CNBD1: variants seen among roughly 807,000 people sequenced by gnomAD.
CNBD1 encodes cyclic nucleotide-binding domain-containing protein 1.
CNBD1 carries 71 observed loss-of-function variants against 54.4 expected under a neutral mutation model. The ratio of observed to expected loss-of-function variants is 1.30; its 90% confidence interval spans 1.08 to 1.59. The LOEUF is 1.59. CNBD1 is among the 40% of genes most tolerant of loss of function. The probability of loss-of-function intolerance (pLI) is 0.00; values close to 1 mark genes in which losing one functional copy is unlikely to be tolerated. For synonymous variants in CNBD1, 182 were observed against 170.7 expected, an observed-to-expected ratio of 1.07 and a Z score of -0.51; for missense variants, 659 against 518.0, an observed-to-expected ratio of 1.27 and a Z score of -2.64.
chr8:87,238,553 C>T (rs1341493425), intron 6 of CNBD1, among the ~76,000 whole-genome samples: 2 of 152,014 alleles, frequency 1.3e-5, no homozygotes, highest in African/African-American at 4.8e-5. Context: ...AGGGCCCTAG[C>T]CTTAGCATAA....
chr8:87,256,362 A>G (rs1808026484), intron 6 of CNBD1, among the ~76,000 whole-genome samples: 1 of 151,774 alleles, frequency 6.6e-6, no homozygotes. Context: ...TACTCATATC[A>G]AGGGGAAAAA....
intron 6 of CNBD1, among the ~76,000 whole-genome samples, chr8:87,283,658 C>T (rs1201899535): frequency 6.6e-6 from 1 of 152,094 alleles, no homozygotes; most frequent in Non-Finnish European, 1.5e-5. Context: ...TAGCCAGCTT[C>T]TATGTGGCTT....
chr8:87,214,479 C>T (rs1172348855), intron 5 of CNBD1, among the ~76,000 whole-genome samples: 1 of 152,154 alleles, frequency 6.6e-6, no homozygotes, highest in Non-Finnish European at 1.5e-5. Context: ...ATTTTCCTGT[C>T]TTCTTCTGAG....
At chr8:86,991,410 CTT>C (rs544697164) in intron 4 of CNBD1, among the ~76,000 whole-genome samples, 1 of 151,708 alleles carries the variant, frequency 6.6e-6, no homozygotes, top group Non-Finnish European at 1.5e-5. Flanking sequence ...CTCTCTCTCT[CTT>C]TTGTTAATCT....
chr8:86,873,861 T>G (rs1479563128), intron 1 of CNBD1, among the ~76,000 whole-genome samples: 1 of 152,208 alleles, frequency 6.6e-6, no homozygotes, highest in Non-Finnish European at 1.5e-5. Flanking sequence ...AAGGAACTTA[T>G]TTTTCTAGAG....
chr8:87,021,377 T>G (rs896915152), intron 4 of CNBD1, among the ~76,000 whole-genome samples: 3 of 152,370 alleles, frequency 2.0e-5, no homozygotes, highest in Admixed American at 2.0e-4. Context: ...TCCTATTATA[T>G]TTCAGTGCAT....
At chr8:87,049,267 G>C (rs1810263487) in intron 4 of CNBD1, among the ~76,000 whole-genome samples, 1 of 152,168 alleles carries the variant, frequency 6.6e-6, no homozygotes, top group Admixed American at 6.5e-5. Flanking sequence ...GGAAAATTGA[G>C]GATGAAGTCT....
At chr8:87,314,791 A>C (rs1286796250) in intron 8 of CNBD1, among the ~76,000 whole-genome samples, 3 of 152,150 alleles carry the variant, frequency 2.0e-5, no homozygotes, top group East Asian at 3.9e-4. Context: ...AGCACCCCAA[A>C]TACTAAATAT....
At chr8:87,361,508 A>T (rs1302043722) in intron 10 of CNBD1, among the ~76,000 whole-genome samples, 2 of 151,888 alleles carry the variant, frequency 1.3e-5, no homozygotes, top group Non-Finnish European at 2.9e-5. Flanking sequence ...ACTATAAATT[A>T]CATTATCAAT....
At chr8:87,340,419 C>T (rs1810042304) in intron 8 of CNBD1, among the ~76,000 whole-genome samples, 1 of 152,128 alleles carries the variant, frequency 6.6e-6, no homozygotes, top group African/African-American at 2.4e-5. Flanking sequence ...CATTGGGCTT[C>T]CTGAATCTGG....
chr8:87,419,512 G>A (rs989874866), intron 2 of CNBD1, among the ~76,000 whole-genome samples: 10 of 151,868 alleles, frequency 6.6e-5, no homozygotes, highest in Non-Finnish European at 1.2e-4. Context: ...CATATTTATA[G>A]AAATTGTTCC....
intron 4 of CNBD1, among the ~76,000 whole-genome samples, chr8:87,178,988 A>G (rs1813255904): frequency 6.6e-6 from 1 of 152,036 alleles, no homozygotes; most frequent in Non-Finnish European, 1.5e-5. Context: ...GCTCACCGCA[A>G]CCTCTGCCTC....
At chr8:87,082,959 C>T (rs1195557870) in intron 4 of CNBD1, among the ~76,000 whole-genome samples, 1 of 152,122 alleles carries the variant, frequency 6.6e-6, no homozygotes, top group African/African-American at 2.4e-5. Flanking sequence ...TAATTTATTA[C>T]ACTCTACCTT....
chr8:86,969,983 C>T (rs995795162), intron 4 of CNBD1, among the ~76,000 whole-genome samples: 6 of 151,760 alleles, frequency 4.0e-5, no homozygotes, highest in Admixed American at 6.6e-5. Flanking sequence ...TTATTGTGGT[C>T]TGCTGATGGC....
intron 4 of CNBD1, among the ~76,000 whole-genome samples, chr8:87,197,409 T>C (rs1363149693): frequency 6.6e-6 from 1 of 152,204 alleles, no homozygotes; most frequent in Non-Finnish European, 1.5e-5. Context: ...CAGGGGTGTA[T>C]GTTAGACTCA....
In CNBD1 at chr8:87,255,995, ATATATATATATATATATATATTTTTTT is replaced by A. The variant is rs1258675928; in HGVS notation, c.771+18885_771+18911del. Among the ~76,000 whole-genome samples, 26 of 15,678 alleles carry A rather than the reference ATATATATATATATATATATATTTTTTT, an allele frequency of 1.7e-3. 1 individual carries two copies. Among genetic ancestry groups the A allele is most frequent in the Middle Eastern group, 0.013 (1 of 78 alleles). 10.3% of individuals were successfully genotyped at this position (15,678 alleles called of 152,430 possible). The stretch of plus-strand genomic sequence containing the variant: ...CAAATATATATATATATATATATAT[ATATATATATATATATATATATTTTTTT>A]TTTTTTTTTTTTTTTTTTGAGACAG... On this transcript the variant is annotated intron_variant, in intron 6 of 10. Transcript: ENST00000518476.
At chr8:86,969,793 T>TATACACACAC (rs1353293101) in intron 4 of CNBD1, among the ~76,000 whole-genome samples, 2 of 144,480 alleles carry the variant, frequency 1.4e-5, no homozygotes, top group East Asian at 4.1e-4. Flanking sequence ...TATATATATA[T>TATACACACAC]ACACACACAC....
chr8:87,035,602 A>G lies in CNBD1; in HGVS notation c.431+95848A>G, dbSNP rs140048399. Among the ~76,000 whole-genome samples, 787 of 152,324 alleles carry G rather than the reference A, an allele frequency of 5.2e-3. 8 individuals carry two copies. The highest frequency in any genetic ancestry group is 0.018 in the African/African-American group (756 of 41,586). On this transcript the variant is annotated intron_variant, in intron 4 of 10. Transcript: ENST00000518476. ...CAATTTCTCAGATGCCAACTCTATT[A>G]ATGCTGTCTTCTTTTTATTCTGTGT...
chr8:87,275,786 C>T (rs1397752811), intron 6 of CNBD1, among the ~76,000 whole-genome samples: 3 of 151,336 alleles, frequency 2.0e-5, no homozygotes, highest in Non-Finnish European at 4.4e-5. Context: ...TCAAATTGTC[C>T]CTGTTTGCAG....
Sources: gnomAD v4.1 joint callset for allele counts (sites outside exome capture counted in the v4.1 genomes callset) on GRCh38, gnomAD v4.1.1 for gene constraint, MANE v1.5 for transcripts, NCBI Gene and HGNC (gene_info 2026-07-23, HGNC 2026-07-21) for gene names.